The following FRMD6 variants were observed in gnomAD, a reference collection of about 807,000 sequenced individuals.
The protein encoded by FRMD6 is FERM domain-containing protein 6.
In FRMD6, 37 loss-of-function variants were observed where a neutral mutation model predicts 73.2. The ratio of observed to expected loss-of-function variants is 0.51; its 90% CI spans 0.39 to 0.66. The LOEUF is 0.66. Among genes scored for constraint, FRMD6 ranks in the 30% least tolerant of loss-of-function variants. FRMD6 has a pLI of 0.00. For synonymous variants in FRMD6, 273 were observed against 282.2 expected, an observed-to-expected ratio of 0.97 and a Z score of 0.33; for missense variants, 714 against 780.5, an observed-to-expected ratio of 0.91 and a Z score of 1.02.
chr14:51,678,118 C>T (rs140984137), intron 1 of FRMD6, among the ~76,000 whole-genome samples: 42 of 152,182 alleles, frequency 2.8e-4, no homozygotes, highest in African/African-American at 9.9e-4. Flanking sequence ...CCTTATAATA[C>T]CCTATAAAGT....
At chr14:51,724,954 G>A (rs990740737) in intron 12 of FRMD6, among the ~76,000 whole-genome samples, 3 of 152,016 alleles carry the variant, frequency 2.0e-5, no homozygotes, top group East Asian at 1.9e-4. Context: ...AAATTTTGGC[G>A]GGTTTCCACC....
intron 1 of FRMD6, among the ~76,000 whole-genome samples, chr14:51,653,156 C>T (rs1892553770): frequency 6.6e-6 from 1 of 152,214 alleles, no homozygotes; most frequent in African/African-American, 2.4e-5. Flanking sequence ...CCTGTGCTCT[C>T]CAGCATTTCT....
At chr14:51,552,840 T>C (rs2139448683) in intron 1 of FRMD6, among the ~76,000 whole-genome samples, 1 of 152,328 alleles carries the variant, frequency 6.6e-6, no homozygotes, top group East Asian at 1.9e-4. Context: ...GGTGGAAGAC[T>C]GCTTCAGAAG....
chr14:51,475,099 T>C, the FRMD6 span, among the ~76,000 whole-genome samples: 2 of 152,332 alleles, frequency 1.3e-5, no homozygotes, highest in East Asian at 3.9e-4. Context: ...TTGTTTAAGC[T>C]AGCCAAGACA....
chr14:51,535,462 A>T (rs1885830055), intron 1 of FRMD6, among the ~76,000 whole-genome samples: 1 of 152,186 alleles, frequency 6.6e-6, no homozygotes, highest in Admixed American at 6.5e-5. Context: ...TTTGCCTATT[A>T]TGGACATGGA....
intron 2 of FRMD6, among the ~76,000 whole-genome samples, chr14:51,601,700 C>T (rs1890044875): frequency 6.6e-6 from 1 of 152,126 alleles, no homozygotes; most frequent in African/African-American, 2.4e-5. Context: ...GCTTAAGACC[C>T]TGAGGATATT....
At chr14:51,444,518 G>A in the FRMD6 span, among the ~76,000 whole-genome samples, 1 of 152,180 alleles carries the variant, frequency 6.6e-6, no homozygotes, top group South Asian at 2.1e-4. Context: ...CAATGTGTGT[G>A]TTCAGTCGTT....
At chr14:51,471,261 G>A in the FRMD6 span, among the ~76,000 whole-genome samples, 6 of 152,150 alleles carry the variant, frequency 3.9e-5, no homozygotes, top group East Asian at 3.9e-4. Context: ...AGGTGGAGGC[G>A]GGTGGATCAT....
intron 2 of FRMD6, among the ~76,000 whole-genome samples, chr14:51,574,530 C>A (rs1277289192): frequency 6.6e-6 from 1 of 152,054 alleles, no homozygotes; most frequent in African/African-American, 2.4e-5. Context: ...ATGGACAGAA[C>A]CTGAGGACAT....
the FRMD6 span, among the ~76,000 whole-genome samples, chr14:51,413,783 A>G: frequency 2.2e-4 from 34 of 152,208 alleles, no homozygotes; most frequent in African/African-American, 7.2e-4. Context: ...CAACAGTGTT[A>G]AAACATTCCT....
At chr14:51,487,638 G>A (rs148950018), upstream of FRMD6, among the ~76,000 whole-genome samples, 2 of 152,160 alleles carry the variant, frequency 1.3e-5, no homozygotes, top group Non-Finnish European at 2.9e-5. Flanking sequence ...TCACCTTTGC[G>A]CATTATTTTT....
intron 1 of FRMD6, among the ~76,000 whole-genome samples, chr14:51,518,880 T>C (rs1884787998): frequency 6.6e-6 from 1 of 152,222 alleles, no homozygotes; most frequent in Admixed American, 6.5e-5. Context: ...ATGCATGTAA[T>C]TCTGAATAAA....
In FRMD6 at chr14:51,689,220, G is replaced by A. The variant is rs544055667; in HGVS notation, c.-146-471G>A. ...CTTCCTTTGGCAGAGCCATGTTGGT[G>A]AAGTGAAGGAAGTGTAAGCCAGACC... On this transcript the variant is annotated intron_variant, in intron 1 of 13. Coordinates refer to ENST00000344768, the MANE Select transcript of FRMD6 (RefSeq NM_001267046.2). 5.3e-5 allele frequency among the ~76,000 whole-genome samples: 8 copies of A among 152,352 alleles called. No individual in the cohort carries two copies. In the East Asian group the frequency reaches 1.2e-3, roughly 22 times the overall value.
chr14:51,553,251 A>T (rs1886940277), intron 1 of FRMD6, among the ~76,000 whole-genome samples: 1 of 152,228 alleles, frequency 6.6e-6, no homozygotes. Context: ...TGATTTCAGG[A>T]TAATAGCATC....
At chr14:51,440,705 G>GGA in the FRMD6 span, among the ~76,000 whole-genome samples, 88 of 151,532 alleles carry the variant, frequency 5.8e-4, no homozygotes, top group African/African-American at 1.6e-3. Flanking sequence ...AGAGAGAAGA[G>GGA]GAGAGAGAGA....
At chr14:51,442,242 C>T in the FRMD6 span, among the ~76,000 whole-genome samples, 1 of 152,152 alleles carries the variant, frequency 6.6e-6, no homozygotes, top group Non-Finnish European at 1.5e-5. Flanking sequence ...GGTTAGGGAT[C>T]CCTTCTCCCC....
chr14:51,529,308 GAATAAC>G (rs1885445971), intron 1 of FRMD6, among the ~76,000 whole-genome samples: 1 of 152,174 alleles, frequency 6.6e-6, no homozygotes, highest in African/African-American at 2.4e-5. Context: ...TATAAAAAGA[GAATAAC>G]AATAATCATG....
At chr14:51,567,102 T>C (rs1186955872) in intron 1 of FRMD6, among the ~76,000 whole-genome samples, 1 of 152,230 alleles carries the variant, frequency 6.6e-6, no homozygotes, top group Non-Finnish European at 1.5e-5. Context: ...GGATGGGTGC[T>C]ACTCAGCTCC....
At chr14:51,492,644 TA>T (rs1883081344) in intron 1 of FRMD6, among the ~76,000 whole-genome samples, 1 of 152,144 alleles carries the variant, frequency 6.6e-6, no homozygotes, top group African/African-American at 2.4e-5. Flanking sequence ...TTTGAATTTT[TA>T]AAAAAAGAGA....
Sources: gnomAD v4.1 joint callset for allele counts (sites outside exome capture counted in the v4.1 genomes callset) on GRCh38, gnomAD v4.1.1 for gene constraint, MANE v1.5 for transcripts, NCBI Gene and HGNC (gene_info 2026-07-23, HGNC 2026-07-21) for gene names.